Variants in BIRC6 observed in about 807,000 individuals in gnomAD.
BIRC6 encodes dual E2 ubiquitin-conjugating enzyme/E3 ubiquitin-protein ligase BIRC6.
Under a neutral mutation model 503.3 loss-of-function variants are expected in BIRC6, and 98 were observed. The ratio of observed to expected loss-of-function variants is 0.19; its 90% CI spans 0.17 to 0.23. BIRC6 has a LOEUF of 0.23. Ranked by LOEUF, BIRC6 falls within the 10% of genes least tolerant of loss-of-function variation. The pLI, the probability that BIRC6 is intolerant of heterozygous loss-of-function variation, is 1.00. For missense variants in BIRC6, 5,360 were observed against 5,806.0 expected (o/e 0.92, Z 2.50); for synonymous variants, 2,240 against 2,078.7 (o/e 1.08, Z -2.11).
chr2:32,423,676 C>G (rs1452274378), intron 10 of BIRC6, among the ~76,000 whole-genome samples: 1 of 152,010 alleles, frequency 6.6e-6, no homozygotes, highest in African/African-American at 2.4e-5. Context: ...GCCCATCCAC[C>G]CCCCCAATCC....
chr2:32,568,473 C>T (rs1374134424), intron 65 of BIRC6, among the ~76,000 whole-genome samples: 1 of 92,906 alleles, frequency 1.1e-5, no homozygotes, highest in Non-Finnish European at 2.1e-5. Context: ...GCCTGGGCAA[C>T]AGAGTGAGAC....
chr2:32,367,463 C>CAA (rs70938341), intron 1 of BIRC6, among the ~76,000 whole-genome samples: 4 of 140,650 alleles, frequency 2.8e-5, no homozygotes, highest in Admixed American at 7.1e-5. Flanking sequence ...AACACCATCT[C>CAA]AAAAAAAAAA....
intron 55 of BIRC6, among the ~76,000 whole-genome samples, chr2:32,517,854 T>G (rs1472290843): frequency 6.6e-6 from 1 of 152,190 alleles, no homozygotes; most frequent in African/African-American, 2.4e-5. Context: ...GTTCTGAGAT[T>G]ATCAGCATGA....
At chr2:32,546,135 T>C (rs1350706603) in intron 63 of BIRC6, among the ~76,000 whole-genome samples, 2 of 152,226 alleles carry the variant, frequency 1.3e-5, no homozygotes, top group Non-Finnish European at 2.9e-5. Flanking sequence ...TATACTGTGA[T>C]CCTTCTTCCT....
intron 1 of BIRC6, among the ~76,000 whole-genome samples, chr2:32,372,136 A>C (rs913231774): frequency 1.3e-5 from 2 of 152,162 alleles, no homozygotes; most frequent in African/African-American, 4.8e-5. Flanking sequence ...TCATTTAAAA[A>C]TTTTTATTTT....
chr2:32,609,291 G>GTGTGTGTGTC (rs1384883540), intron 72 of BIRC6, among the ~76,000 whole-genome samples: 4 of 151,598 alleles, frequency 2.6e-5, no homozygotes, highest in Non-Finnish European at 1.5e-5. Context: ...GGCTCTGTGT[G>GTGTGTGTGTC]TGTGTGTGTG....
At chr2:32,536,051 G>T (rs2057208735) in intron 61 of BIRC6, among the ~76,000 whole-genome samples, 2 of 152,200 alleles carry the variant, frequency 1.3e-5, no homozygotes, top group South Asian at 2.1e-4. Context: ...TTTCTCTGAT[G>T]GCCAGTGATG....
At chr2:32,590,763 G>C in intron 66 of BIRC6, 2 of 979,074 alleles carry the variant, frequency 2.0e-6, no homozygotes, top group Non-Finnish European at 2.4e-6. Context: ...AGATAATTCT[G>C]TGCAATAGTG....
chr2:32,611,694 T>C (rs1238441402), intron 73 of BIRC6, 112 bp downstream of exon 73: 6 of 1,104,226 alleles, frequency 5.4e-6, no homozygotes, highest in South Asian at 3.1e-5. Context: ...AAACATAATA[T>C]GTATTTTCAG....
chr2:32,596,152 A>G (rs1373166277), intron 68 of BIRC6, among the ~76,000 whole-genome samples: 2 of 152,128 alleles, frequency 1.3e-5, no homozygotes, highest in Admixed American at 6.6e-5. Flanking sequence ...TATATTATAT[A>G]TTGTCACATA....
At chr2:32,508,287 T>C in intron 51 of BIRC6, 28 bp downstream of exon 51, 2 of 1,362,252 alleles carry the variant, frequency 1.5e-6, no homozygotes, top group South Asian at 3.1e-5. Context: ...TTTTTTTTTT[T>C]TTTTTTTTTT....
chr2:32,476,364 A>G lies in BIRC6; in HGVS notation c.6852+20A>G. The stretch of plus-strand genomic sequence containing the variant: ...TCAAAGGTATGATCTATACTTTTCA[A>G]TATAGTTATCTCAGAAAAGTCAAGG... On this transcript the variant is annotated intron_variant, in intron 34 of 73. Coordinates refer to ENST00000421745, the MANE Select transcript of BIRC6 (RefSeq NM_016252.4). The G allele has an allele frequency of 1.3e-6, 2 of 1,550,280 alleles. No homozygotes were observed. Among genetic ancestry groups the G allele is most frequent in the Non-Finnish European group, 1.7e-6 (2 of 1,149,326 alleles).
At chr2:32,389,126 A>G (rs1030875942) in intron 4 of BIRC6, among the ~76,000 whole-genome samples, 183 bp downstream of exon 4, 2 of 152,226 alleles carry the variant, frequency 1.3e-5, no homozygotes, top group African/African-American at 4.8e-5. Context: ...GTAAACTGCT[A>G]CTTGAATTGC....
At position 32,603,974 on chromosome 2, in the gene BIRC6, A is replaced by G. The variant is rs368298704; in HGVS notation, c.14070+891A>G. 5.3e-5 allele frequency among the ~76,000 whole-genome samples: 8 copies of G among 152,122 alleles called. No individual in the cohort carries two copies. The South Asian group carries it at 1.2e-3, about 24-fold the overall frequency. The stretch of plus-strand genomic sequence containing the variant: ...AAAACACTTTAGCTTGGTATAAGTA[A>G]AATAAATACTACTTTTTGGTTTGAT... On this transcript the variant is annotated intron_variant, in intron 71 of 73. Coordinates refer to ENST00000421745, the MANE Select transcript of BIRC6 (RefSeq NM_016252.4).
At chr2:32,393,927 C>T (rs2039553431) in intron 5 of BIRC6, among the ~76,000 whole-genome samples, 1 of 147,038 alleles carries the variant, frequency 6.8e-6, no homozygotes. Context: ...AACATCTTTA[C>T]TAAAATTAAA....
chr2:32,433,517 A>C, intron 12 of BIRC6, 127 bp from the exon 13 acceptor site: 1 of 725,766 alleles, frequency 1.4e-6, no homozygotes, highest in Non-Finnish European at 2.1e-6. Context: ...TCTTGATCCC[A>C]TTGAGAAACA....
chr2:32,606,162 A>C (rs1350237376), intron 71 of BIRC6, among the ~76,000 whole-genome samples: 1 of 152,216 alleles, frequency 6.6e-6, no homozygotes, highest in Non-Finnish European at 1.5e-5. Flanking sequence ...ATTGACTTCT[A>C]TAGATACATT....
At chr2:32,402,111 G>C (rs980378809) in intron 8 of BIRC6, among the ~76,000 whole-genome samples, 4 of 151,290 alleles carry the variant, frequency 2.6e-5, no homozygotes, top group African/African-American at 9.7e-5. Context: ...AGTCAGCAGT[G>C]AGTTGAGATA....
intron 73 of BIRC6, 145 bp from the exon 74 acceptor site, chr2:32,617,580 C>T: frequency 1.2e-6 from 1 of 817,450 alleles, no homozygotes; most frequent in Non-Finnish European, 1.8e-6. Flanking sequence ...TATCAAGTGC[C>T]TGTAACAGTA....
Sources: allele counts gnomAD v4.1 joint callset (sites outside exome capture counted in the v4.1 genomes callset), GRCh38; gene constraint gnomAD v4.1.1; transcripts MANE v1.5; gene names NCBI Gene and HGNC (gene_info 2026-07-23, HGNC 2026-07-21).